The following EPS15 variants were observed in gnomAD, a reference collection of about 807,000 sequenced individuals.
The protein encoded by EPS15 is epidermal growth factor receptor pathway substrate 15, also known as epidermal growth factor receptor substrate 15.
A neutral mutation model predicts 113.8 loss-of-function variants in EPS15; 72 were observed. The observed-to-expected ratio is 0.63, with a 90% confidence interval of 0.52 to 0.77. EPS15 has a LOEUF of 0.77. Ranked by LOEUF, EPS15 falls within the 30% of genes least tolerant of loss-of-function variation. The pLI, the probability that EPS15 is intolerant of heterozygous loss-of-function variation, is 0.00. For synonymous variants in EPS15, 344 were observed against 363.4 expected (o/e 0.95, Z 0.61); for missense variants, 1,048 against 1,045.8 (o/e 1.00, Z -0.03).
At chr1:51,485,420 C>T (rs946456002) in intron 1 of EPS15, among the ~76,000 whole-genome samples, 5 of 152,144 alleles carry the variant, frequency 3.3e-5, no homozygotes, top group East Asian at 1.9e-4. Context: ...CAGTTGGAAA[C>T]CTTTAATCAA....
At chr1:51,495,528 TA>T (rs1644310718) in intron 1 of EPS15, among the ~76,000 whole-genome samples, 1 of 151,972 alleles carries the variant, frequency 6.6e-6, no homozygotes, top group Admixed American at 6.5e-5. Context: ...TTTTAAGAAA[TA>T]TGCCCATACA....
intron 1 of EPS15, among the ~76,000 whole-genome samples, chr1:51,496,556 C>T (rs1350150221): frequency 6.6e-6 from 1 of 152,146 alleles, no homozygotes; most frequent in East Asian, 1.9e-4. Flanking sequence ...CATAAACAAA[C>T]ATTAAGTCAA....
chr1:51,494,490 A>C (rs1372722557), intron 1 of EPS15, among the ~76,000 whole-genome samples: 1 of 152,230 alleles, frequency 6.6e-6, no homozygotes, highest in African/African-American at 2.4e-5. Flanking sequence ...ATATAGCAAA[A>C]TCCCAAACCT....
chr1:51,372,904 C>T (rs1570111851), intron 21 of EPS15: 2 of 781,148 alleles, frequency 2.6e-6, no homozygotes, highest in East Asian at 1.2e-4. Context: ...AAAAAACAGC[C>T]ACAGGCAAGC....
intron 2 of EPS15, among the ~76,000 whole-genome samples, chr1:51,476,556 T>C (rs1179954890): frequency 6.6e-6 from 1 of 152,180 alleles, no homozygotes; most frequent in Non-Finnish European, 1.5e-5. Flanking sequence ...CCCTTTATCA[T>C]TTTTTATTGC....
At chr1:51,469,664 C>CCATTCTTATCA (rs1553132111) in intron 4 of EPS15, among the ~76,000 whole-genome samples, 1 of 152,116 alleles carries the variant, frequency 6.6e-6, no homozygotes, top group Non-Finnish European at 1.5e-5. Context: ...AATTCATAAC[C>CCATTCTTATCA]CATTCTTATC....
chr1:51,481,805 T>TC (rs1644025231), intron 1 of EPS15, among the ~76,000 whole-genome samples: 1 of 152,196 alleles, frequency 6.6e-6, no homozygotes, highest in South Asian at 2.1e-4. Flanking sequence ...GAAAGGCAGT[T>TC]CCATTAAATT....
chr1:51,450,351 C>T (rs1653442255), intron 8 of EPS15, among the ~76,000 whole-genome samples: 1 of 151,668 alleles, frequency 6.6e-6, no homozygotes, highest in Non-Finnish European at 1.5e-5. Context: ...CAGGGTGTAC[C>T]AAGATGGCTC....
At chr1:51,515,982 G>A (rs1557544435) in intron 1 of EPS15, among the ~76,000 whole-genome samples, 1 of 152,100 alleles carries the variant, frequency 6.6e-6, no homozygotes, top group Non-Finnish European at 1.5e-5. Context: ...GGGCGTTAGG[G>A]AGTAAAACTG....
intron 21 of EPS15, among the ~76,000 whole-genome samples, chr1:51,392,383 T>A (rs1440587200): frequency 6.6e-6 from 1 of 152,162 alleles, no homozygotes; most frequent in Non-Finnish European, 1.5e-5. Context: ...CAATAAATAG[T>A]AGCCATTATT....
chr1:51,480,170 T>C (rs1643994498), intron 2 of EPS15, among the ~76,000 whole-genome samples: 1 of 152,238 alleles, frequency 6.6e-6, no homozygotes, highest in Non-Finnish European at 1.5e-5. Context: ...AAGAGGCCTA[T>C]AATGTTTAAT....
intron 21 of EPS15, among the ~76,000 whole-genome samples, chr1:51,393,097 T>G (rs1647552705): frequency 6.6e-6 from 1 of 152,248 alleles, no homozygotes; most frequent in South Asian, 2.1e-4. Flanking sequence ...TATCTCCTTT[T>G]TGTATTCCTC....
At chr1:51,424,635 G>A (rs1053108399) in intron 12 of EPS15, among the ~76,000 whole-genome samples, 7 of 152,072 alleles carry the variant, frequency 4.6e-5, no homozygotes, top group African/African-American at 1.7e-4. Context: ...TGGGTGTGGT[G>A]GCTCACACCT....
At chr1:51,497,576 C>A (rs537261936) in intron 1 of EPS15, among the ~76,000 whole-genome samples, 1 of 152,258 alleles carries the variant, frequency 6.6e-6, no homozygotes, top group South Asian at 2.1e-4. Flanking sequence ...AGGCCCACAC[C>A]CAATTCACGC....
At chr1:51,382,166 A>G (rs1570142080) in intron 21 of EPS15, 1 of 152,226 alleles carries the variant, frequency 6.6e-6, no homozygotes, top group Admixed American at 6.5e-5. Flanking sequence ...ACAATTATAC[A>G]TCAACAAACT....
intron 1 of EPS15, among the ~76,000 whole-genome samples, chr1:51,489,192 A>T (rs1644182936): frequency 6.6e-6 from 1 of 151,256 alleles, no homozygotes; most frequent in Non-Finnish European, 1.5e-5. Context: ...TTAAGGAAAA[A>T]ATATGTTATT....
At chr1:51,454,049 C>CAAAAAAAAAA (rs376428827) in intron 8 of EPS15, among the ~76,000 whole-genome samples, 1 of 88,214 alleles carries the variant, frequency 1.1e-5, no homozygotes, top group Non-Finnish European at 2.3e-5. Context: ...GACTTTGTTT[C>CAAAAAAAAAA]AAAAAAAAAA....
At chr1:51,440,803 G>A (rs1227649456) in intron 11 of EPS15, among the ~76,000 whole-genome samples, 1 of 152,036 alleles carries the variant, frequency 6.6e-6, no homozygotes. Context: ...GAAACTGATG[G>A]TGATTTATTT....
intron 12 of EPS15, chr1:51,423,719 C>T (rs969490196): frequency 1.0e-6 from 1 of 985,278 alleles, no homozygotes; most frequent in African/African-American, 1.7e-5. Context: ...ATCAAGTGTG[C>T]ATGCAGGAAA....
Sources: gnomAD v4.1 joint callset for allele counts (sites outside exome capture counted in the v4.1 genomes callset) on GRCh38, gnomAD v4.1.1 for gene constraint, MANE v1.5 for transcripts, NCBI Gene and HGNC (gene_info 2026-07-23, HGNC 2026-07-21) for gene names.